SLC24A3: variants seen among roughly 807,000 people sequenced by gnomAD.
The protein encoded by SLC24A3 is sodium/potassium/calcium exchanger 3.
In SLC24A3, 28 loss-of-function variants were observed where a neutral mutation model predicts 75.8. The ratio of observed to expected loss-of-function variants is 0.37; its 90% CI spans 0.27 to 0.51. SLC24A3 has a LOEUF of 0.51. Among genes scored for constraint, SLC24A3 ranks in the 20% least tolerant of loss-of-function variants. The pLI, the probability that SLC24A3 is intolerant of heterozygous loss-of-function variation, is 0.94. For synonymous variants in SLC24A3, 372 were observed against 334.1 expected (o/e 1.11, Z -1.24); for missense variants, 663 against 847.8 (o/e 0.78, Z 2.71).
At chr20:19,562,787 G>A (rs974145984) in intron 3 of SLC24A3, among the ~76,000 whole-genome samples, 3 of 152,126 alleles carry the variant, frequency 2.0e-5, no homozygotes, top group Admixed American at 1.3e-4. Flanking sequence ...TCATGAGAAC[G>A]ATCTGGCTAG....
intron 7 of SLC24A3, among the ~76,000 whole-genome samples, chr20:19,657,854 A>T (rs948811870): frequency 6.6e-6 from 1 of 151,866 alleles, no homozygotes; most frequent in African/African-American, 2.4e-5. Context: ...TTTTCTTCTG[A>T]TTTCCCTTAG....
intron 2 of SLC24A3, among the ~76,000 whole-genome samples, chr20:19,455,250 C>G (rs550629627): frequency 3.3e-5 from 5 of 152,204 alleles, no homozygotes; most frequent in Admixed American, 1.3e-4. Context: ...TTTTTGTTTT[C>G]TTTTTCCATA....
chr20:19,539,853 G>C (rs1056992585), intron 3 of SLC24A3, among the ~76,000 whole-genome samples: 2 of 152,190 alleles, frequency 1.3e-5, no homozygotes, highest in Admixed American at 6.5e-5. Flanking sequence ...CTAATGGCAA[G>C]AGATTAAGGG....
At chr20:19,540,788 C>G (rs187347118) in intron 3 of SLC24A3, among the ~76,000 whole-genome samples, 4 of 152,220 alleles carry the variant, frequency 2.6e-5, no homozygotes, top group Non-Finnish European at 1.5e-5. Context: ...GAGGAAAAAA[C>G]CAAAACATTT....
intron 2 of SLC24A3, among the ~76,000 whole-genome samples, chr20:19,454,836 C>G (rs1233676538): frequency 6.6e-6 from 1 of 152,156 alleles, no homozygotes; most frequent in African/African-American, 2.4e-5. Flanking sequence ...GAAGGGTGAA[C>G]TCTGTCTAAA....
chr20:19,368,838 C>G (rs1985942315), intron 2 of SLC24A3, among the ~76,000 whole-genome samples: 1 of 152,170 alleles, frequency 6.6e-6, no homozygotes, highest in Admixed American at 6.5e-5. Context: ...ACACAGGAGC[C>G]AGCTTGAAGA....
At chr20:19,335,051 C>G (rs944592347) in intron 2 of SLC24A3, among the ~76,000 whole-genome samples, 2 of 152,156 alleles carry the variant, frequency 1.3e-5, no homozygotes, top group African/African-American at 4.8e-5. Context: ...CTGCACTGTG[C>G]AGTAATATAG....
At chr20:19,250,562 G>T (rs1982623459) in intron 1 of SLC24A3, among the ~76,000 whole-genome samples, 1 of 152,174 alleles carries the variant, frequency 6.6e-6, no homozygotes, top group South Asian at 2.1e-4. Context: ...AGATGTCTTT[G>T]CCTGGAGCAT....
chr20:19,325,777 C>CATATATATATATATATAT (rs1164485509), intron 2 of SLC24A3, among the ~76,000 whole-genome samples: 11 of 58,392 alleles, frequency 1.9e-4, no homozygotes, highest in East Asian at 1.2e-3. Context: ...TATATATATA[C>CATATATATATATATATAT]ATATATATAT....
intron 2 of SLC24A3, among the ~76,000 whole-genome samples, chr20:19,382,534 G>A (rs73902349): frequency 0.01 from 1,528 of 152,292 alleles, 24 homozygotes; most frequent in African/African-American, 0.034. Flanking sequence ...GACATGCAAT[G>A]TGAATTTACT....
intron 7 of SLC24A3, among the ~76,000 whole-genome samples, chr20:19,658,429 C>G (rs931307311): frequency 6.6e-6 from 1 of 152,196 alleles, no homozygotes; most frequent in South Asian, 2.1e-4. Context: ...TTCACTCGGA[C>G]GGAGACGTGG....
At chr20:19,373,491 C>A (rs1290075530) in intron 2 of SLC24A3, among the ~76,000 whole-genome samples, 1 of 152,198 alleles carries the variant, frequency 6.6e-6, no homozygotes, top group Non-Finnish European at 1.5e-5. Flanking sequence ...CTTGCCATCT[C>A]CATGCCTTTT....
At chr20:19,538,280 G>C (rs2030436089) in intron 3 of SLC24A3, among the ~76,000 whole-genome samples, 2 of 152,122 alleles carry the variant, frequency 1.3e-5, no homozygotes, top group Admixed American at 6.5e-5. Context: ...AGTGTGATTT[G>C]ATCGTCAGTG....
At chr20:19,502,868 C>CAA (rs368651686) in intron 2 of SLC24A3, among the ~76,000 whole-genome samples, 15,611 of 71,852 alleles carry the variant, frequency 0.22, 1,768 homozygotes, top group East Asian at 0.45. Context: ...CTGTCTCTAC[C>CAA]AAAAAAAAAA....
chr20:19,583,915 CAGTT>C (rs1269384873), intron 4 of SLC24A3, among the ~76,000 whole-genome samples: 3 of 152,210 alleles, frequency 2.0e-5, no homozygotes, highest in Admixed American at 2.0e-4. Flanking sequence ...TCAAAATCCT[CAGTT>C]AGGGCTTCTC....
At chr20:19,404,018 G>A (rs866769825) in intron 2 of SLC24A3, among the ~76,000 whole-genome samples, 120 of 152,244 alleles carry the variant, frequency 7.9e-4, no homozygotes, top group African/African-American at 2.5e-3. Context: ...GGGACTTGAT[G>A]AAGGTCACGT....
chr20:19,651,872 A>G (rs1157184925), intron 6 of SLC24A3, among the ~76,000 whole-genome samples: 1 of 151,834 alleles, frequency 6.6e-6, no homozygotes, highest in Admixed American at 6.6e-5. Flanking sequence ...AAAAAAAAAA[A>G]AAAAATCCAT....
rs569556075 is a variant in SLC24A3, at chr20:19,453,401, T to C, written c.272-62087T>C. 2.6e-5 allele frequency among the ~76,000 whole-genome samples: 4 copies of C among 152,288 alleles called. 1 individual carries two copies. Among genetic ancestry groups the C allele is most frequent in the African/African-American group, 9.6e-5 (4 of 41,564 alleles). Reference sequence around the variant, plus strand: ...GCTTTGGTGGGAGGATTCTCTATAATGGCATGTCTGCACTTGACCCCAACA... The same window carrying C: ...GCTTTGGTGGGAGGATTCTCTATAACGGCATGTCTGCACTTGACCCCAACA... On this transcript the variant is annotated intron_variant, in intron 2 of 16. Transcript: ENST00000328041.
At chr20:19,403,227 G>A (rs537090832) in intron 2 of SLC24A3, among the ~76,000 whole-genome samples, 3 of 152,244 alleles carry the variant, frequency 2.0e-5, no homozygotes, top group South Asian at 4.1e-4. Context: ...AACATCTGAA[G>A]GTACATGGGA....
Sources: gnomAD v4.1 joint callset for allele counts (sites outside exome capture counted in the v4.1 genomes callset) on GRCh38, gnomAD v4.1.1 for gene constraint, MANE v1.5 for transcripts, NCBI Gene and HGNC (gene_info 2026-07-23, HGNC 2026-07-21) for gene names.